Variants in ZNF565 observed in about 807,000 individuals in gnomAD.
ZNF565 encodes the protein zinc finger protein 565.
Under a neutral mutation model 39.4 loss-of-function variants are expected in ZNF565, and 27 were observed. That is an observed-to-expected ratio of 0.69 (90% CI 0.51 to 0.95). The LOEUF (loss-of-function observed/expected upper bound fraction) is 0.95. ZNF565 is among the 40% of genes least tolerant of loss of function. The pLI is 0.00. For synonymous variants in ZNF565, 185 were observed against 216.6 expected (o/e 0.85, Z 1.28); for missense variants, 524 against 621.1 (o/e 0.84, Z 1.66).
chr19:36,217,274 G>A (rs1005790706), upstream of ZNF565, among the ~76,000 whole-genome samples: 3 of 151,522 alleles, frequency 2.0e-5, no homozygotes, highest in Admixed American at 6.6e-5. Flanking sequence ...TGTTGGCCAG[G>A]CTGGTCTTGA....
upstream of ZNF565, among the ~76,000 whole-genome samples, chr19:36,215,552 T>A (rs1380138462): frequency 6.6e-6 from 1 of 152,192 alleles, no homozygotes; most frequent in South Asian, 2.1e-4. Flanking sequence ...GCGTCTTTTT[T>A]ACTTGAAAAT....
At chr19:36,236,214 T>G (rs1568437491) in intron 1 of ZNF565, 1 of 486,294 alleles carries the variant, frequency 2.1e-6, no homozygotes, top group South Asian at 3.9e-5. Context: ...TAGCAATACT[T>G]CATTGAATAT....
At chr19:36,210,318 G>T (rs1026476701) in intron 1 of ZNF565, among the ~76,000 whole-genome samples, 1 of 150,882 alleles carries the variant, frequency 6.6e-6, no homozygotes, top group Non-Finnish European at 1.5e-5. Flanking sequence ...CAGCTACTCG[G>T]GAGGCTGAGG....
At chr19:36,221,675 A>G (rs1445052680) in intron 1 of ZNF565, among the ~76,000 whole-genome samples, 3 of 152,114 alleles carry the variant, frequency 2.0e-5, no homozygotes, top group African/African-American at 4.8e-5. Flanking sequence ...TCTCACAGAG[A>G]TATCTCATTC....
intron 4 of ZNF565, among the ~76,000 whole-genome samples, chr19:36,190,865 T>G (rs1345022341): frequency 6.6e-6 from 1 of 150,706 alleles, no homozygotes. Flanking sequence ...GGTGGCGCAC[T>G]CCTGTATTCC....
chr19:36,238,978 C>G (rs1385375077), intron 1 of ZNF565, among the ~76,000 whole-genome samples: 1 of 152,104 alleles, frequency 6.6e-6, no homozygotes, highest in East Asian at 1.9e-4. Context: ...TTGTGCGCTT[C>G]TTATGAGAAT....
At chr19:36,217,155 C>CA (rs1976647126), upstream of ZNF565, among the ~76,000 whole-genome samples, 1 of 149,456 alleles carries the variant, frequency 6.7e-6, no homozygotes, top group South Asian at 2.1e-4. Context: ...CTCTGCCCCC[C>CA]AGGTTCAAGC....
intron 4 of ZNF565, among the ~76,000 whole-genome samples, chr19:36,187,061 A>G (rs1975327614): frequency 6.6e-6 from 1 of 152,040 alleles, no homozygotes; most frequent in Non-Finnish European, 1.5e-5. Flanking sequence ...ATGGTGGCAC[A>G]TGCCTGTAAT....
intron 4 of ZNF565, among the ~76,000 whole-genome samples, chr19:36,189,251 T>C (rs1034664827): frequency 6.6e-6 from 1 of 151,898 alleles, no homozygotes; most frequent in Non-Finnish European, 1.5e-5. Flanking sequence ...ATCGTGCTAC[T>C]ACACTCCAGC....
chr19:36,185,693 TC>T (rs1392939815), intron 4 of ZNF565, among the ~76,000 whole-genome samples: 1 of 150,540 alleles, frequency 6.6e-6, no homozygotes, highest in Non-Finnish European at 1.5e-5. Context: ...ATCCTTAAGG[TC>T]TCAGATGAAA....
intron 1 of ZNF565, among the ~76,000 whole-genome samples, chr19:36,208,931 C>G: frequency 6.6e-6 from 1 of 152,124 alleles, no homozygotes; most frequent in East Asian, 1.9e-4. Flanking sequence ...CTCCCAGACT[C>G]AAGAGATTCT....
intron 1 of ZNF565, among the ~76,000 whole-genome samples, chr19:36,220,962 C>G (rs1976811073): frequency 6.6e-6 from 1 of 151,664 alleles, no homozygotes; most frequent in East Asian, 1.9e-4. Context: ...CAGCGATTCT[C>G]CTGCCTCAGC....
chr19:36,189,865 T>C (rs1975461484), intron 4 of ZNF565, among the ~76,000 whole-genome samples: 1 of 152,016 alleles, frequency 6.6e-6, no homozygotes, highest in African/African-American at 2.4e-5. Context: ...AGTCTTGTTC[T>C]GTTGCCAAGG....
intron 1 of ZNF565, among the ~76,000 whole-genome samples, chr19:36,212,001 A>G (rs1378904640): frequency 6.6e-6 from 1 of 152,184 alleles, no homozygotes; most frequent in African/African-American, 2.4e-5. Context: ...ATCAATTATA[A>G]TGGGAAAAAC....
intron 1 of ZNF565, among the ~76,000 whole-genome samples, chr19:36,207,121 G>T (rs1421953655): frequency 2.6e-5 from 4 of 152,150 alleles, no homozygotes; most frequent in African/African-American, 7.2e-5. Flanking sequence ...AGACGAAGAG[G>T]GTCAGAGAGA....
At chr19:36,205,156 GGT>G (rs1976105449) in intron 1 of ZNF565, among the ~76,000 whole-genome samples, 1 of 152,114 alleles carries the variant, frequency 6.6e-6, no homozygotes, top group Non-Finnish European at 1.5e-5. Flanking sequence ...GGGAAGCTGA[GGT>G]GTGTCGTTCG....
intron 1 of ZNF565, among the ~76,000 whole-genome samples, chr19:36,211,213 T>C (rs572129064): frequency 1.3e-5 from 2 of 151,648 alleles, no homozygotes; most frequent in East Asian, 2.0e-4. Context: ...GAGGCCAAGG[T>C]GGGCAGATCA....
intron 1 of ZNF565, among the ~76,000 whole-genome samples, chr19:36,205,458 G>T (rs1175385607): frequency 3.9e-5 from 6 of 152,102 alleles, no homozygotes; most frequent in Non-Finnish European, 7.3e-5. Context: ...AACTCAGGAG[G>T]CAGAGGTTGC....
chr19:36,201,943 G>A (rs1975980451), intron 2 of ZNF565, 34 bp downstream of exon 2: 1 of 1,611,658 alleles, frequency 6.2e-7, no homozygotes, highest in Admixed American at 1.7e-5. Context: ...CGGGAAGACA[G>A]ATCATTCTAA....
Sources: allele counts gnomAD v4.1 joint callset (sites outside exome capture counted in the v4.1 genomes callset), GRCh38; gene constraint gnomAD v4.1.1; transcripts MANE v1.5; gene names NCBI Gene and HGNC (gene_info 2026-07-23, HGNC 2026-07-21).